Variants in SPAG16 observed in about 807,000 individuals in gnomAD.
SPAG16 encodes sperm-associated antigen 16 protein.
Under a neutral mutation model 80.4 loss-of-function variants are expected in SPAG16, and 86 were observed. The ratio of observed to expected loss-of-function variants is 1.07; its 90% CI spans 0.90 to 1.28. The LOEUF (loss-of-function observed/expected upper bound fraction) is 1.28, where lower values mean the gene tolerates loss of function less well. Ranked by LOEUF, SPAG16 falls within the 50% of genes most tolerant of loss-of-function variation. The pLI is 0.00. For synonymous variants in SPAG16, 294 were observed against 265.9 expected (o/e 1.11, Z -1.03); for missense variants, 870 against 765.3 (o/e 1.14, Z -1.61).
chr2:213,884,402 G>A (rs2076474049), intron 11 of SPAG16, among the ~76,000 whole-genome samples: 1 of 152,042 alleles, frequency 6.6e-6, no homozygotes, highest in African/African-American at 2.4e-5. Context: ...TATGTGATTT[G>A]ACCCTTCTCT....
intron 10 of SPAG16, among the ~76,000 whole-genome samples, chr2:213,792,637 G>T (rs2070775377): frequency 7.5e-6 from 1 of 133,682 alleles, no homozygotes; most frequent in South Asian, 2.4e-4. Flanking sequence ...AGGCTGGAGT[G>T]CAGTGGCTTG....
chr2:213,946,950 T>C (rs956534571), intron 12 of SPAG16, among the ~76,000 whole-genome samples: 60 of 152,346 alleles, frequency 3.9e-4, no homozygotes, highest in African/African-American at 1.3e-3. Flanking sequence ...TCATATAGTA[T>C]GTGACCATCT....
At chr2:213,499,102 T>C (rs549706217) in intron 10 of SPAG16, among the ~76,000 whole-genome samples, 5 of 152,242 alleles carry the variant, frequency 3.3e-5, no homozygotes, top group South Asian at 2.1e-4. Flanking sequence ...TTTTTCTAGT[T>C]CTATTGTGTC....
rs909780449 is a variant in SPAG16 at position 214,206,707 on chromosome 2, A to G, written c.1720+57441A>G. ...TTGTGGAACCTCCATACTGTCTTCC[A>G]TAATGGCTGTACTAAGTTACATTCC... is the stretch of plus-strand genomic sequence containing the variant. On this transcript the variant is annotated intron_variant, in intron 15 of 15. Coordinates refer to ENST00000331683, the MANE Select transcript of SPAG16 (RefSeq NM_024532.5). Among the ~76,000 whole-genome samples, 5 of 152,226 alleles carry G rather than the reference A, an allele frequency of 3.3e-5. No individual in the cohort carries two copies. In the South Asian group the frequency reaches 1.0e-3, roughly 31 times the overall value.
At chr2:213,345,617 G>A (rs1219228041) in intron 6 of SPAG16, among the ~76,000 whole-genome samples, 2 of 136,124 alleles carry the variant, frequency 1.5e-5, no homozygotes, top group Non-Finnish European at 3.1e-5. Context: ...AGTTTTCCCA[G>A]CACCACTTAT....
chr2:213,425,782 G>A (rs1224495439), intron 9 of SPAG16, among the ~76,000 whole-genome samples: 1 of 151,646 alleles, frequency 6.6e-6, no homozygotes, highest in Admixed American at 6.6e-5. Flanking sequence ...ACTAAATCAT[G>A]CCTTTTAACA....
chr2:213,525,087 G>T (rs113738979), intron 10 of SPAG16, among the ~76,000 whole-genome samples: 1 of 152,006 alleles, frequency 6.6e-6, no homozygotes, highest in South Asian at 2.1e-4. Context: ...CCATGCTGCT[G>T]TTCTCATGAT....
intron 10 of SPAG16, among the ~76,000 whole-genome samples, chr2:213,649,351 A>T (rs1372291242): frequency 6.6e-6 from 1 of 152,206 alleles, no homozygotes; most frequent in African/African-American, 2.4e-5. Flanking sequence ...TTCTGGAGAA[A>T]GGTTATACAA....
rs184717667 is a variant in SPAG16, at chr2:214,233,631, C to T, written c.1720+84365C>T. 5.9e-5 allele frequency among the ~76,000 whole-genome samples: 9 copies of T among 152,142 alleles called. No individual in the cohort carries two copies. In the East Asian group the frequency reaches 1.7e-3, roughly 29 times the overall value. On this transcript the variant is annotated intron_variant, in intron 15 of 15. Transcript: ENST00000331683. The stretch of plus-strand genomic sequence containing the variant: ...ATTCTGTGTATATCATGGAAATGAT[C>T]ACTTCAATTCTTTGTGCATCAGGGT...
Position 213,460,913 on chromosome 2 carries a change from CTAAG to C in SPAG16, c.943-29044_943-29041del, listed in dbSNP as rs567147929. Reference sequence around the variant, plus strand: ...TGACTGAATTAGGGAAATAACATTCCTAAGTAAGTTCCTGTATAAACATGAATAT... The same window carrying C: ...TGACTGAATTAGGGAAATAACATTCCTAAGTTCCTGTATAAACATGAATAT... On this transcript the variant is annotated intron_variant, in intron 9 of 15. Transcript: ENST00000331683. Among the ~76,000 whole-genome samples, 78 of 152,126 alleles carry C rather than the reference CTAAG, an allele frequency of 5.1e-4. 1 individual carries two copies. Among genetic ancestry groups the C allele is most frequent in the African/African-American group, 1.9e-3 (77 of 41,524 alleles).
chr2:213,472,665 A>C (rs1359499989), intron 9 of SPAG16, among the ~76,000 whole-genome samples: 1 of 152,152 alleles, frequency 6.6e-6, no homozygotes, highest in Non-Finnish European at 1.5e-5. Flanking sequence ...AAGTATGTCT[A>C]TGCCAATTAT....
chr2:214,310,806 A>C (rs1230632109), intron 15 of SPAG16, among the ~76,000 whole-genome samples: 1 of 152,188 alleles, frequency 6.6e-6, no homozygotes, highest in African/African-American at 2.4e-5. Context: ...TCTGGTGGCT[A>C]CTGATGAAAT....
intron 10 of SPAG16, among the ~76,000 whole-genome samples, chr2:213,796,918 A>G (rs2071073951): frequency 1.1e-5 from 1 of 92,458 alleles, no homozygotes; most frequent in African/African-American, 2.8e-5. Flanking sequence ...AGCTGCATGC[A>G]TGTTATTTCT....
intron 14 of SPAG16, among the ~76,000 whole-genome samples, chr2:214,128,388 G>A (rs1252185798): frequency 6.6e-6 from 1 of 151,814 alleles, no homozygotes; most frequent in African/African-American, 2.4e-5. Flanking sequence ...AAAGCAACAA[G>A]AGAGATTTTA....
intron 7 of SPAG16, 97 bp from the exon 8 acceptor site, chr2:213,363,979 T>G (rs996405866): frequency 2.3e-5 from 10 of 428,316 alleles, no homozygotes; most frequent in Non-Finnish European, 4.0e-5. Flanking sequence ...TTAATATTTT[T>G]TATATTTTAC....
intron 13 of SPAG16, among the ~76,000 whole-genome samples, chr2:214,066,705 G>T (rs1359281048): frequency 6.6e-6 from 1 of 151,878 alleles, no homozygotes; most frequent in Non-Finnish European, 1.5e-5. Context: ...AAAATATTTT[G>T]TACAGAATAA....
chr2:213,973,090 A>G (rs992328219), intron 12 of SPAG16, among the ~76,000 whole-genome samples: 11 of 152,170 alleles, frequency 7.2e-5, no homozygotes, highest in African/African-American at 2.7e-4. Context: ...CCCAACCTTT[A>G]CTTCCTACTT....
At chr2:213,465,879 G>T (rs1159763749) in intron 9 of SPAG16, among the ~76,000 whole-genome samples, 1 of 152,194 alleles carries the variant, frequency 6.6e-6, no homozygotes, top group Non-Finnish European at 1.5e-5. Context: ...TTGGGTTGAA[G>T]TATGCAAAGT....
chr2:213,706,274 C>T (rs1366274445), intron 10 of SPAG16, among the ~76,000 whole-genome samples: 1 of 152,116 alleles, frequency 6.6e-6, no homozygotes, highest in African/African-American at 2.4e-5. Flanking sequence ...GGACTCTATC[C>T]TCATTTGGCA....
Sources: allele counts gnomAD v4.1 joint callset (sites outside exome capture counted in the v4.1 genomes callset), GRCh38; gene constraint gnomAD v4.1.1; transcripts MANE v1.5; gene names NCBI Gene and HGNC (gene_info 2026-07-23, HGNC 2026-07-21).